The following POLD2 variants were observed in gnomAD, a reference collection of about 807,000 sequenced individuals.
POLD2 encodes the protein DNA polymerase delta subunit 2.
POLD2 carries 31 observed loss-of-function variants against 48.8 expected under a neutral mutation model. The ratio of observed to expected loss-of-function variants is 0.64; its 90% CI spans 0.48 to 0.86. POLD2 has a LOEUF of 0.86. Ranked by LOEUF, POLD2 falls within the 40% of genes least tolerant of loss-of-function variation. The probability of loss-of-function intolerance (pLI) is 0.00; values close to 1 mark genes in which losing one functional copy is unlikely to be tolerated. For missense variants in POLD2, 455 were observed against 610.1 expected, an observed-to-expected ratio of 0.75 and a Z score of 2.68; for synonymous variants, 233 against 256.3, an observed-to-expected ratio of 0.91 and a Z score of 0.87.
rs2096248298 is a variant in POLD2, at chr7:44,121,656, C to G, written c.220+178G>C. ...TGAACTAAAACTAACTCCAAACCCA[C>G]AAATTACTTAATTTAATCCTTGTTA... is the stretch of plus-strand genomic sequence containing the variant. On this transcript the variant is annotated intron_variant, in intron 2 of 10. Coordinates refer to ENST00000610533, the MANE Select transcript of POLD2 (RefSeq NM_006230.4). This position sits in a 1 kb window ranked among gnomAD's most constrained non-coding sequence, Gnocchi z 4.5. Among the ~76,000 whole-genome samples, 1 of 152,242 alleles carries G rather than the reference C, an allele frequency of 6.6e-6. No homozygotes were observed.
At chr7:44,123,329 C>T in intron 1 of POLD2, 182 bp downstream of exon 1, 1 of 1,366,950 alleles carries the variant, frequency 7.3e-7, no homozygotes, top group South Asian at 1.7e-5. Flanking sequence ...CCAGGCCGCG[C>T]TACTCGGGAT....
chr7:44,116,480 C>G lies in POLD2; in HGVS notation c.811G>C (p.Ala271Pro). The G allele has an allele frequency of 1.3e-6, 2 of 1,583,814 alleles. No individual in the cohort carries two copies. The highest frequency in any genetic ancestry group is 8.6e-7 in the Non-Finnish European group (1 of 1,164,204). Residue 271 changes from alanine (A) to proline (P), a missense_variant, in exon 7 of 11, where the codon GCC (alanine) becomes CCC (proline). Physicochemically the swap from Ala to Pro is conservative, Grantham distance 27. Transcript: ENST00000610533. This position sits in a 1 kb window ranked among gnomAD's most constrained non-coding sequence, Gnocchi z 6.1. ...AKYLTKKTQA[A>P]SVEAVKMLDE... ...AGCATCTTAACAGCCTCCACGCTGG[C>G]TGCCTGGGTTTTCTTGGTGAGGTAT...
intron 2 of POLD2, among the ~76,000 whole-genome samples, chr7:44,119,064 T>G (rs567458247): frequency 8.8e-6 from 1 of 113,162 alleles, no homozygotes; most frequent in South Asian, 3.1e-4. Context: ...CCAGAGATAC[T>G]CAAAATGCAG....
Position 44,115,398 on chromosome 7 carries a change from TGGA to T in POLD2, c.1148-5_1148-3del. The T allele has an allele frequency of 6.3e-7, 1 of 1,592,126 alleles. No homozygotes were observed. The highest frequency in any genetic ancestry group is 8.6e-7 in the Non-Finnish European group (1 of 1,159,902). On this transcript the variant is annotated splice_polypyrimidine_tract_variant and splice_region_variant and intron_variant, in intron 9 of 10. Transcript: ENST00000610533. The stretch of plus-strand genomic sequence containing the variant: ...CAGTTTTGTAGAAGGGGTAACAACC[TGGA>T]GGAGAAGGGGCAGCTCTGAGGAGGG...
chr7:44,117,810 T>C (rs2096242597), intron 3 of POLD2, 68 bp from the exon 4 acceptor site: 1 of 1,606,702 alleles, frequency 6.2e-7, no homozygotes, highest in Admixed American at 1.7e-5. Context: ...GTTAGTGAGC[T>C]GGCACCGCAG....
Position 44,116,758 on chromosome 7 carries a change from G to A in POLD2, c.780+59C>T. On this transcript the variant is annotated intron_variant, in intron 6 of 10. Coordinates refer to ENST00000610533, the MANE Select transcript of POLD2 (RefSeq NM_006230.4). The surrounding 1 kb of genome is among the most constrained non-coding windows in gnomAD (Gnocchi z 6.1). ...ACCCTACTCGCCCTGGGGAAGGAGG[G>A]TCTTACAGGCTTGCAGGCTCCTGGG... The A allele has an allele frequency of 6.4e-7, 1 of 1,570,276 alleles. No homozygotes were observed. Among genetic ancestry groups the A allele is most frequent in the Non-Finnish European group, 8.7e-7 (1 of 1,143,910 alleles).
chr7:44,120,181 C>G (rs756606644), intron 2 of POLD2, among the ~76,000 whole-genome samples: 1 of 152,192 alleles, frequency 6.6e-6, no homozygotes, highest in Non-Finnish European at 1.5e-5. Context: ...ACTGCTGCCC[C>G]GCTGCTATCA....
At position 44,115,282 on chromosome 7, in the gene POLD2, A is replaced by T. The variant is rs745708227; in HGVS notation, c.1249+13T>A. On this transcript the variant is annotated intron_variant, in intron 10 of 10. Coordinates refer to ENST00000610533, the MANE Select transcript of POLD2 (RefSeq NM_006230.4). The stretch of plus-strand genomic sequence containing the variant: ...CAGCAAATCAGCCTGGGCCCCCAGA[A>T]GACAAAAATTACCTCGGATGATTTT... 4.4e-6 allele frequency: 7 copies of T among 1,578,960 alleles called. No individual in the cohort carries two copies. The South Asian group carries it at 7.7e-5, about 17-fold the overall frequency.
chr7:44,114,997 CAA>C, intron 10 of POLD2, 52 bp from the exon 11 acceptor site: 4 of 1,492,554 alleles, frequency 2.7e-6, no homozygotes, highest in Non-Finnish European at 3.6e-6. Flanking sequence ...AGTCCTGCCT[CAA>C]AGAGAAGCTG....
intron 2 of POLD2, among the ~76,000 whole-genome samples, chr7:44,119,483 T>A (rs1184555092): frequency 6.6e-6 from 1 of 152,076 alleles, no homozygotes; most frequent in Non-Finnish European, 1.5e-5. Flanking sequence ...CAGACAGAAA[T>A]GCAACAGACT....
Position 44,116,479 on chromosome 7 carries a change from G to C in POLD2, c.812C>G (p.Ala271Gly), listed in dbSNP as rs1180809956. The C allele has an allele frequency of 6.3e-7, 1 of 1,583,554 alleles. No individual in the cohort carries two copies. Among genetic ancestry groups the C allele is most frequent in the East Asian group, 2.3e-5 (1 of 43,698 alleles). The change falls in exon 7 of 11, where the codon GCC becomes GGC. Residue 271 changes from alanine to glycine, a missense_variant. Physicochemically the swap from Ala to Gly is moderately conservative, Grantham distance 60. Around this residue, in one of 3 missense-constraint regions of POLD2, gnomAD observed 349 missense variants for 437.4 expected, o/e 0.80. Transcript: ENST00000610533. This position sits in a 1 kb window ranked among gnomAD's most constrained non-coding sequence, Gnocchi z 6.1. ...AKYLTKKTQAASVEAVKMLDE... is the reference protein window; with the variant it reads ...AKYLTKKTQAGSVEAVKMLDE... ...CAGCATCTTAACAGCCTCCACGCTG[G>C]CTGCCTGGGTTTTCTTGGTGAGGTA...
At position 44,116,037 on chromosome 7, in the gene POLD2, G is replaced by T; in HGVS notation, c.1019+78C>A. The T allele has an allele frequency of 1.3e-5, 21 of 1,601,584 alleles. No homozygotes were observed. In the South Asian group the frequency reaches 2.2e-4, roughly 17 times the overall value. The stretch of plus-strand genomic sequence containing the variant: ...CCTCTGCAGCCCTGCCACCTTCCTG[G>T]GCCCTCCCTCCCCTCCCTTCTTTGT... On this transcript the variant is annotated intron_variant, in intron 8 of 10. Transcript: ENST00000610533. The surrounding 1 kb of genome is among the most constrained non-coding windows in gnomAD (Gnocchi z 6.1).
rs777501308 is a variant in POLD2, at chr7:44,116,850, G to A, written c.747C>T (p.Ser249=). ...TAGAATCCCTGCTCTGGGTGCTGTG[G>A]CTGAGGAGGTTGCCAGCGAGGATAA... ...SRVILAGNLL[S]HSTQSRDSIN... The change falls in exon 6 of 11, where the codon AGC becomes AGT. Residue 249 remains serine, a synonymous_variant. Transcript: ENST00000610533. This position sits in a 1 kb window ranked among gnomAD's most constrained non-coding sequence, Gnocchi z 6.1. The A allele has an allele frequency of 3.1e-6, 5 of 1,613,838 alleles. No individual in the cohort carries two copies. Among genetic ancestry groups the A allele is most frequent in the Admixed American group, 1.7e-5 (1 of 60,004 alleles).
chr7:44,119,978 A>C (rs2096246070), intron 2 of POLD2, among the ~76,000 whole-genome samples: 1 of 152,196 alleles, frequency 6.6e-6, no homozygotes, highest in South Asian at 2.1e-4. Context: ...AAGACAAGGG[A>C]AAGAGTGTGC....
intron 10 of POLD2, among the ~76,000 whole-genome samples, 170 bp from the exon 11 acceptor site, chr7:44,115,115 GCC>G (rs1170996315): frequency 6.6e-6 from 1 of 152,252 alleles, no homozygotes; most frequent in African/African-American, 2.4e-5. Context: ...TCCAGTCCCT[GCC>G]CAGCTGGCGA....
At chr7:44,118,351 G>A (rs532901817) in intron 2 of POLD2, 90 of 283,268 alleles carry the variant, frequency 3.2e-4, no homozygotes, top group Non-Finnish European at 4.8e-4. Context: ...CGGGCAGAGC[G>A]GAGTGATGCG....
chr7:44,123,521 G>C lies in POLD2; in HGVS notation c.-67C>G. ...CTGGACCCCACTCACCGCGCGGCGC[G>C]CCGCATCCCGCCAATCCCCGCGCGC... is the stretch of plus-strand genomic sequence containing the variant. On this transcript the variant is annotated 5_prime_UTR_variant, in exon 1 of 11. Coordinates refer to ENST00000610533, the MANE Select transcript of POLD2 (RefSeq NM_006230.4). 1 of 1,479,810 alleles carries C rather than the reference G, an allele frequency of 6.8e-7. No homozygotes were observed. Among genetic ancestry groups the C allele is most frequent in the South Asian group, 1.3e-5 (1 of 77,942 alleles). The allele number at this position is 1,479,810 out of a possible 1,614,324, so 91.7% of individuals were successfully genotyped here. A position where few individuals can be genotyped will look rare whatever the true frequency, so the allele number is the denominator to read the frequency against.
intron 2 of POLD2, among the ~76,000 whole-genome samples, chr7:44,120,962 G>A (rs1420247931): frequency 6.6e-6 from 1 of 152,126 alleles, no homozygotes; most frequent in Non-Finnish European, 1.5e-5. Flanking sequence ...TGCCTATAAC[G>A]AGAATTGATC....
Position 44,116,218 on chromosome 7 carries a change from G to A in POLD2, c.916C>T (p.Leu306Phe). ...PGEFDPTNYT[L>F]PQQPLHPCMF... ...CAGGGGTGGAGGGGCTGCTGGGGGA[G>A]CGTGTAATTGGTGGGATCAAACTCG... Residue 306 changes from leucine to phenylalanine, a missense_variant, in exon 8 of 11, where the codon CTC (leucine) becomes TTC (phenylalanine). Leu to Phe is a conservative substitution (Grantham distance 22, BLOSUM62 0). Around this residue, in one of 3 missense-constraint regions of POLD2, gnomAD observed 349 missense variants for 437.4 expected, o/e 0.80. Coordinates refer to ENST00000610533, the MANE Select transcript of POLD2 (RefSeq NM_006230.4). The surrounding 1 kb of genome is among the most constrained non-coding windows in gnomAD (Gnocchi z 6.1). 5.0e-6 allele frequency: 8 copies of A among 1,613,764 alleles called. No individual in the cohort carries two copies. The highest frequency in any genetic ancestry group is 6.8e-6 in the Non-Finnish European group (8 of 1,179,856).
Sources: gnomAD v4.1 joint callset for allele counts (sites outside exome capture counted in the v4.1 genomes callset) on GRCh38, gnomAD v4.1.1 for gene constraint, gnomAD v4.1.1 regional missense constraint, Gnocchi (gnomAD v3.1) non-coding constraint, MANE v1.5 for transcripts, NCBI Gene and HGNC (gene_info 2026-07-23, HGNC 2026-07-21) for gene names.